CNGB1: variants seen among roughly 807,000 people sequenced by gnomAD.
CNGB1 encodes cyclic nucleotide gated channel subunit beta 1.
A neutral mutation model predicts 151.7 loss-of-function variants in CNGB1; 126 were observed. The ratio of observed to expected loss-of-function variants is 0.83; its 90% confidence interval spans 0.72 to 0.96. The LOEUF is 0.96. Among genes scored for constraint, CNGB1 ranks in the 40% least tolerant of loss-of-function variants. CNGB1 has a pLI of 0.00. For missense variants in CNGB1, 1,698 were observed against 1,627.0 expected, an observed-to-expected ratio of 1.04 and a Z score of -0.75; for synonymous variants, 623 against 635.1, an observed-to-expected ratio of 0.98 and a Z score of 0.29.
intron 25 of CNGB1, among the ~76,000 whole-genome samples, chr16:57,905,333 C>T (rs961610326): frequency 2.4e-4 from 36 of 151,720 alleles, no homozygotes; most frequent in Non-Finnish European, 2.9e-4. Context: ...TTTTCTGACC[C>T]GCCCCTACCC....
At chr16:57,908,087 C>T (rs1409150255) in intron 25 of CNGB1, among the ~76,000 whole-genome samples, 2 of 152,152 alleles carry the variant, frequency 1.3e-5, no homozygotes, top group African/African-American at 2.4e-5. Context: ...GAGGGGGTCT[C>T]CCCATATTGC....
In CNGB1 at chr16:57,917,304, C is replaced by G. The variant is rs753640703; in HGVS notation, c.2130G>C (p.Gln710His). The G allele has an allele frequency of 5.0e-6, 8 of 1,614,010 alleles. No homozygotes were observed. The Admixed American group carries it at 1.3e-4, about 27-fold the overall frequency. ...CGCCTCTGACAAACTGCAGGCGTGT[C>G]TGGAACACGGTGATGTCCAGGAAGT... ...LIYFLDITVF[Q>H]TRLQFVRGGD... Residue 710 changes from glutamine (Q) to histidine (H), a missense_variant, in exon 21 of 33, where the codon CAG becomes CAC. Gln to His is a conservative substitution (Grantham distance 24). Coordinates refer to ENST00000251102, the MANE Select transcript of CNGB1 (RefSeq NM_001297.5).
chr16:57,956,111 G>A (rs1962077945), intron 12 of CNGB1, among the ~76,000 whole-genome samples: 1 of 152,190 alleles, frequency 6.6e-6, no homozygotes, highest in Non-Finnish European at 1.5e-5. Flanking sequence ...CCTCCTTCCA[G>A]AGGGTTCTGA....
Position 57,901,567 on chromosome 16 carries a change from G to T in CNGB1, c.2853C>A (p.Asp951Glu), listed in dbSNP as rs7190978. The T allele has an allele frequency of 1.0e-3, 1,672 of 1,614,162 alleles. 12 individuals are homozygous for T. In the African/African-American group the frequency reaches 0.02, roughly 19 times the overall value. Residue 951 changes from aspartate (D) to glutamate (E), a missense_variant, in exon 28 of 33, where the codon GAC (aspartate) becomes GAA (glutamate). Coordinates refer to ENST00000251102, the MANE Select transcript of CNGB1 (RefSeq NM_001297.5). ...PDKMRLDLAI[D>E]VNYNIVSKVA... ...CTTTGCTAACGATGTTGTAGTTCAC[G>T]TCGATGGCGAGGTCCAGCCGCATCT...
At chr16:57,912,037 G>T in intron 24 of CNGB1, 162 bp from the exon 25 acceptor site, 1 of 868,944 alleles carries the variant, frequency 1.2e-6, no homozygotes, top group Non-Finnish European at 1.8e-6. Context: ...GCGTTGTCAT[G>T]ACCTGGGGCT....
At position 57,923,377 on chromosome 16, in the gene CNGB1, C is replaced by A; in HGVS notation, c.1539G>T (p.Lys513Asn). 6.2e-7 allele frequency: 1 copy of A among 1,612,814 alleles called. No homozygotes were observed. The highest frequency in any genetic ancestry group is 1.1e-5 in the South Asian group (1 of 91,042). ...VPSSASGTHR[K>N]KLPSEDDEAE... ...CCTCATCATCCTCAGAGGGCAGCTT[C>A]TTCCTGCAAAGACACAGATGTGGAA... is the stretch of plus-strand genomic sequence containing the variant. The change falls in exon 18 of 33, where the codon AAG (lysine) becomes AAT (asparagine). Residue 513 changes from lysine to asparagine, a missense_variant. By Grantham distance (94) the Lys-to-Asn change is moderately conservative. Coordinates refer to ENST00000251102, the MANE Select transcript of CNGB1 (RefSeq NM_001297.5).
intron 31 of CNGB1, among the ~76,000 whole-genome samples, chr16:57,893,552 C>G (rs1315580791): frequency 6.6e-6 from 1 of 152,076 alleles, no homozygotes; most frequent in South Asian, 2.1e-4. Context: ...AATCCCAGCA[C>G]TTTGGGAGGC....
At chr16:57,890,729 C>T (rs1384198544) in intron 31 of CNGB1, among the ~76,000 whole-genome samples, 2 of 152,232 alleles carry the variant, frequency 1.3e-5, no homozygotes, top group Admixed American at 1.3e-4. Context: ...AAGCAGGGAG[C>T]TTGGACAGAA....
chr16:57,932,772 G>A (rs140415906), intron 16 of CNGB1, among the ~76,000 whole-genome samples: 3,511 of 152,212 alleles, frequency 0.023, 162 homozygotes, highest in African/African-American at 0.08. Context: ...AGTAGAGACC[G>A]GGTTTCACCG....
At chr16:57,918,786 A>G (rs1314330013) in intron 20 of CNGB1, among the ~76,000 whole-genome samples, 1 of 151,980 alleles carries the variant, frequency 6.6e-6, no homozygotes, top group African/African-American at 2.4e-5. Context: ...TGCACTCTCC[A>G]CCTCCTGGAT....
At chr16:57,949,555 T>C in intron 13 of CNGB1, 116 bp from the exon 14 acceptor site, 11 of 1,555,332 alleles carry the variant, frequency 7.1e-6, no homozygotes, top group Non-Finnish European at 9.7e-6. Context: ...ACCTGGACTT[T>C]CCAACCAAGG....
In CNGB1 at chr16:57,964,205, G is replaced by A. The variant is rs1414299186; in HGVS notation, c.218-3C>T. The A allele has an allele frequency of 6.2e-7, 1 of 1,613,904 alleles. No individual in the cohort carries two copies. Among genetic ancestry groups the A allele is most frequent in the African/African-American group, 1.3e-5 (1 of 74,926 alleles). ...AGTAAGGGCAGCCTCCTTGGTCTCT[G>A]GAAAAGAATCTCTCATCCTTCAGAT... On this transcript the variant is annotated splice_polypyrimidine_tract_variant and splice_region_variant and intron_variant, in intron 3 of 32. Coordinates refer to ENST00000251102, the MANE Select transcript of CNGB1 (RefSeq NM_001297.5).
intron 23 of CNGB1, 88 bp downstream of exon 23, chr16:57,915,161 T>G: frequency 1.9e-6 from 2 of 1,057,696 alleles, no homozygotes; most frequent in South Asian, 2.8e-5. Context: ...CCCTCCCCAG[T>G]GCTGCTGGGG....
Position 57,926,083 on chromosome 16 carries a change from G to A in CNGB1, c.1536-2703C>T, listed in dbSNP as rs535389736. 9.7e-4 allele frequency among the ~76,000 whole-genome samples: 148 copies of A among 152,326 alleles called. 1 individual carries two copies. Among genetic ancestry groups the A allele is most frequent in the African/African-American group, 3.4e-3 (142 of 41,566 alleles). On this transcript the variant is annotated intron_variant, in intron 17 of 32. Transcript: ENST00000251102. ...TTCACCTTGGGACCAAGCCTGACAA[G>A]GATCTTTAGTGATTAATCTGCAATT...
In CNGB1 at chr16:57,884,158, C is replaced by T; in HGVS notation, c.*6G>A. The T allele has an allele frequency of 6.2e-7, 1 of 1,613,974 alleles. No individual in the cohort carries two copies. Among genetic ancestry groups the T allele is most frequent in the Non-Finnish European group, 8.5e-7 (1 of 1,179,902 alleles). On this transcript the variant is annotated 3_prime_UTR_variant, in exon 33 of 33. Coordinates refer to ENST00000251102, the MANE Select transcript of CNGB1 (RefSeq NM_001297.5). ...GAACTGCGCGCGGGATCCGCCTCACCCCACCTTACTCCGCCTTCTCCTCCC... is the reference window on the plus strand; with the variant it reads ...GAACTGCGCGCGGGATCCGCCTCACTCCACCTTACTCCGCCTTCTCCTCCC...
chr16:57,917,976 TA>T (rs1168967915), intron 20 of CNGB1, among the ~76,000 whole-genome samples: 3 of 152,062 alleles, frequency 2.0e-5, no homozygotes, highest in Non-Finnish European at 2.9e-5. Flanking sequence ...TCTTCCTCAG[TA>T]AATACAGAAT....
chr16:57,960,822 C>G lies in CNGB1; in HGVS notation c.534+18G>C. The G allele has an allele frequency of 6.2e-7, 1 of 1,612,870 alleles. No homozygotes were observed. The highest frequency in any genetic ancestry group is 8.5e-7 in the Non-Finnish European group (1 of 1,179,502). ...CCCCCATATACTCAACTCCCTGCCT[C>G]TCCCTTCCTTGGCTCACCTCAGAGG... is the stretch of plus-strand genomic sequence containing the variant. On this transcript the variant is annotated intron_variant, in intron 8 of 32. Transcript: ENST00000251102.
At chr16:57,955,761 G>A (rs925992464) in intron 12 of CNGB1, among the ~76,000 whole-genome samples, 1 of 151,716 alleles carries the variant, frequency 6.6e-6, no homozygotes, top group African/African-American at 2.4e-5. Flanking sequence ...GGCGGGCACT[G>A]GAGGACAGCC....
At chr16:57,955,169 ACT>A (rs1236543931) in intron 12 of CNGB1, 2 of 1,498,242 alleles carry the variant, frequency 1.3e-6, no homozygotes, top group African/African-American at 1.4e-5. Context: ...GGTGCAGGTG[ACT>A]CTGGCTCCCC....
Sources: gnomAD v4.1 joint callset for allele counts (sites outside exome capture counted in the v4.1 genomes callset) on GRCh38, gnomAD v4.1.1 for gene constraint, MANE v1.5 for transcripts, NCBI Gene and HGNC (gene_info 2026-07-23, HGNC 2026-07-21) for gene names.